GRM8: variants seen among roughly 807,000 people sequenced by gnomAD.
GRM8 encodes glutamate metabotropic receptor 8.
In GRM8, 47 loss-of-function variants were observed where a neutral mutation model predicts 87.2. That is an observed-to-expected ratio of 0.54 (90% CI 0.43 to 0.69). GRM8 has a LOEUF of 0.69. Among genes scored for constraint, GRM8 ranks in the 30% least tolerant of loss-of-function variants. The pLI is 0.00. For missense variants in GRM8, 1,019 were observed against 1,139.2 expected (o/e 0.89, Z 1.52); for synonymous variants, 396 against 404.5 (o/e 0.98, Z 0.25).
At chr7:126,992,238 T>G (rs890417938) in intron 3 of GRM8, among the ~76,000 whole-genome samples, 2 of 152,164 alleles carry the variant, frequency 1.3e-5, no homozygotes, top group African/African-American at 4.8e-5. Flanking sequence ...CTCTCATTGC[T>G]CTTATTGAAC....
rs553619476 is a variant in GRM8, at chr7:126,974,861, G to A, written c.728-70178C>T. ...TGAGGCAGGAGAATGTCGTGAACTC[G>A]GGAGGCGGAGCTTGCAGTGAGCCAA... On this transcript the variant is annotated intron_variant, in intron 3 of 10. Transcript: ENST00000339582. Among the ~76,000 whole-genome samples, 34 of 146,976 alleles carry A rather than the reference G, an allele frequency of 2.3e-4. 1 individual carries two copies. The highest frequency in any genetic ancestry group is 7.3e-4 in the African/African-American group (29 of 39,806).
intron 2 of GRM8, among the ~76,000 whole-genome samples, chr7:127,208,098 A>ACCATG (rs1393481883): frequency 2.0e-5 from 3 of 152,186 alleles, no homozygotes; most frequent in African/African-American, 7.2e-5. Flanking sequence ...TCCTAATAAG[A>ACCATG]GACCATGGAC....
At chr7:126,735,523 T>C (rs1243008358) in intron 7 of GRM8, among the ~76,000 whole-genome samples, 1 of 152,132 alleles carries the variant, frequency 6.6e-6, no homozygotes, top group Non-Finnish European at 1.5e-5. Flanking sequence ...TGAGAGTAGC[T>C]ATCAAGAATC....
At chr7:126,879,430 A>C (rs1169784407) in intron 6 of GRM8, among the ~76,000 whole-genome samples, 1 of 152,192 alleles carries the variant, frequency 6.6e-6, no homozygotes, top group Non-Finnish European at 1.5e-5. Context: ...AATATTATGC[A>C]TAGGTCTTAT....
chr7:126,634,590 C>T (rs143112603), intron 7 of GRM8, among the ~76,000 whole-genome samples: 41 of 152,208 alleles, frequency 2.7e-4, no homozygotes, highest in Middle Eastern at 3.4e-3. Context: ...TGTACCAGAG[C>T]GCTTTCTAAC....
chr7:127,088,321 C>T (rs1444790906), intron 3 of GRM8, among the ~76,000 whole-genome samples: 1 of 152,124 alleles, frequency 6.6e-6, no homozygotes, highest in East Asian at 1.9e-4. Flanking sequence ...ACCATGAAGG[C>T]CCTGGGTTAA....
At chr7:126,534,126 T>A (rs1815302435) in intron 8 of GRM8, among the ~76,000 whole-genome samples, 1 of 152,086 alleles carries the variant, frequency 6.6e-6, no homozygotes, top group South Asian at 2.1e-4. Flanking sequence ...TACCTCCTCA[T>A]TGCTGACCAA....
At chr7:126,565,406 G>A (rs1794130599) in intron 8 of GRM8, among the ~76,000 whole-genome samples, 1 of 152,024 alleles carries the variant, frequency 6.6e-6, no homozygotes, top group South Asian at 2.1e-4. Context: ...ATGTATTAAT[G>A]ACAAACTATC....
chr7:126,475,967 T>C (rs1013755654), intron 9 of GRM8, among the ~76,000 whole-genome samples: 1 of 152,094 alleles, frequency 6.6e-6, no homozygotes, highest in Non-Finnish European at 1.5e-5. Context: ...TAACTCAAAG[T>C]GAATGCATTA....
At chr7:126,601,016 G>A (rs1340808644) in intron 8 of GRM8, among the ~76,000 whole-genome samples, 6 of 151,422 alleles carry the variant, frequency 4.0e-5, no homozygotes, top group Non-Finnish European at 8.8e-5. Context: ...GTGCCATGCT[G>A]GTGCGCTGCA....
In GRM8 at chr7:127,015,335, T is replaced by C. The variant is rs1192517333; in HGVS notation, c.727+91161A>G. ...AGGAAGAGTCATTCTGAGCATCCAA[T>C]ATATGTGTCCTCCTATTACATCACA... is the stretch of plus-strand genomic sequence containing the variant. On this transcript the variant is annotated intron_variant, in intron 3 of 10. Transcript: ENST00000339582. Among the ~76,000 whole-genome samples the C allele has an allele frequency of 2.0e-5, 3 of 151,792 alleles. 1 individual carries two copies. The highest frequency in any genetic ancestry group is 2.9e-5 in the Non-Finnish European group (2 of 67,948).
At chr7:126,760,169 C>T (rs1171343196) in intron 7 of GRM8, among the ~76,000 whole-genome samples, 1 of 152,134 alleles carries the variant, frequency 6.6e-6, no homozygotes, top group Non-Finnish European at 1.5e-5. Context: ...CACCTCTCTC[C>T]AGGATTTATC....
At chr7:127,160,543 A>ATG (rs1793041153) in intron 2 of GRM8, among the ~76,000 whole-genome samples, 1 of 152,114 alleles carries the variant, frequency 6.6e-6, no homozygotes, top group African/African-American at 2.4e-5. Context: ...GCGCACACAC[A>ATG]CACACACACA....
chr7:127,123,015 T>C (rs781344261), intron 2 of GRM8, among the ~76,000 whole-genome samples: 8 of 152,032 alleles, frequency 5.3e-5, no homozygotes, highest in Non-Finnish European at 1.2e-4. Flanking sequence ...AGAAAGACTT[T>C]TAATCCCCTG....
Position 126,456,519 on chromosome 7 carries a change from T to TAAAAAAAAAAAAAAAAA in GRM8, c.2431-10164_2431-10148dup, listed in dbSNP as rs513. 1.2e-3 allele frequency among the ~76,000 whole-genome samples: 87 copies of TAAAAAAAAAAAAAAAAA among 69,668 alleles called. 7 individuals carry two copies. The highest frequency in any genetic ancestry group is 1.5e-3 in the African/African-American group (18 of 12,062). 45.7% of individuals were successfully genotyped at this position (69,668 alleles called of 152,430 possible). ...TCCTAAGTGTAAGAAAGCAGCAAGC[T>TAAAAAAAAAAAAAAAAA]AAAAAAAAAAAAAAAAAAAAAAAAA... is the stretch of plus-strand genomic sequence containing the variant. On this transcript the variant is annotated intron_variant, in intron 9 of 10. Transcript: ENST00000339582.
At chr7:127,178,929 A>G (rs764493855) in intron 2 of GRM8, among the ~76,000 whole-genome samples, 1 of 152,178 alleles carries the variant, frequency 6.6e-6, no homozygotes, top group Non-Finnish European at 1.5e-5. Flanking sequence ...ACAAAAATAC[A>G]TGTTAAGAAG....
At chr7:126,631,374 A>C (rs894382371) in intron 7 of GRM8, among the ~76,000 whole-genome samples, 3 of 152,192 alleles carry the variant, frequency 2.0e-5, no homozygotes, top group Admixed American at 2.0e-4. Context: ...TGCCCAAAGA[A>C]ATCAGAGATG....
chr7:126,724,667 A>C (rs552687857), intron 7 of GRM8, among the ~76,000 whole-genome samples: 1 of 152,240 alleles, frequency 6.6e-6, no homozygotes, highest in East Asian at 1.9e-4. Context: ...AAAGTGTGTA[A>C]CTTAAGAACA....
At chr7:126,669,547 G>A (rs1482396535) in intron 7 of GRM8, among the ~76,000 whole-genome samples, 1 of 152,204 alleles carries the variant, frequency 6.6e-6, no homozygotes, top group Non-Finnish European at 1.5e-5. Flanking sequence ...AGTGTTGTGA[G>A]TTTACAAACT....
Sources: gnomAD v4.1 joint callset for allele counts (sites outside exome capture counted in the v4.1 genomes callset) on GRCh38, gnomAD v4.1.1 for gene constraint, MANE v1.5 for transcripts, NCBI Gene and HGNC (gene_info 2026-07-23, HGNC 2026-07-21) for gene names.